The following DMBX1 variants were observed in gnomAD, a reference collection of about 807,000 sequenced individuals.
The protein encoded by DMBX1 is diencephalon/mesencephalon homeobox 1, also known as diencephalon/mesencephalon homeobox protein 1.
DMBX1 carries 7 observed loss-of-function variants against 30.4 expected under a neutral mutation model. The ratio of observed to expected loss-of-function variants is 0.23; its 90% CI spans 0.13 to 0.43. The LOEUF (loss-of-function observed/expected upper bound fraction) is 0.43. Ranked by LOEUF, DMBX1 falls within the 20% of genes least tolerant of loss-of-function variation. DMBX1 has a pLI of 1.00. For synonymous variants in DMBX1, 222 were observed against 214.2 expected (o/e 1.04, Z -0.32); for missense variants, 460 against 508.5 (o/e 0.90, Z 0.92).
Position 46,514,787 on chromosome 1 carries a change from A to G in DMBX1, c.*2293A>G, listed in dbSNP as rs1666460721. Among the ~76,000 whole-genome samples the G allele has an allele frequency of 6.6e-6, 1 of 152,138 alleles. No homozygotes were observed. Among genetic ancestry groups the G allele is most frequent in the African/African-American group, 2.4e-5 (1 of 41,428 alleles). ...AGAGGTTCTGTTGGTGTCCTGGTTGAATTGCTTTGCAGAGAAGTCAATGCC... is the reference window on the plus strand; with the variant it reads ...AGAGGTTCTGTTGGTGTCCTGGTTGGATTGCTTTGCAGAGAAGTCAATGCC... On this transcript the variant is annotated 3_prime_UTR_variant, in exon 6 of 6. Coordinates refer to ENST00000360032, the MANE Select transcript of DMBX1 (RefSeq NM_172225.2).
chr1:46,495,519 A>T (rs1187382617), intron 2 of DMBX1, among the ~76,000 whole-genome samples: 1 of 152,196 alleles, frequency 6.6e-6, no homozygotes, highest in African/African-American at 2.4e-5. Context: ...ATTAAATGAG[A>T]TGCTGCCAGT....
intron 2 of DMBX1, among the ~76,000 whole-genome samples, chr1:46,499,984 C>T (rs1341019388): frequency 6.6e-6 from 1 of 152,146 alleles, no homozygotes; most frequent in Non-Finnish European, 1.5e-5. Context: ...AGAGAGATGC[C>T]TTGTCAGAGG....
At chr1:46,501,460 A>C (rs1389916764) in intron 2 of DMBX1, among the ~76,000 whole-genome samples, 3 of 150,122 alleles carry the variant, frequency 2.0e-5, no homozygotes, top group South Asian at 2.1e-4. Flanking sequence ...TTTTGTATTT[A>C]TTAGTAGAGG....
In DMBX1 at chr1:46,491,647, A is replaced by G. The variant is rs994513902; in HGVS notation, c.-13+864A>G. On this transcript the variant is annotated intron_variant, in intron 2 of 5. Transcript: ENST00000360032. This position sits in a 1 kb window ranked among gnomAD's most constrained non-coding sequence, Gnocchi z 5.5. The stretch of plus-strand genomic sequence containing the variant: ...AGAGTCCTTTCCCCTCTCTAGTGCT[A>G]GGGATTCTGTGCGCTGCAGGCGGGT... 1.3e-5 allele frequency among the ~76,000 whole-genome samples: 2 copies of G among 152,142 alleles called. No individual in the cohort carries two copies. Among genetic ancestry groups the G allele is most frequent in the African/African-American group, 4.8e-5 (2 of 41,418 alleles).
At chr1:46,505,752 A>C (rs1666221424) in intron 2 of DMBX1, among the ~76,000 whole-genome samples, 2 of 151,694 alleles carry the variant, frequency 1.3e-5, no homozygotes, top group Admixed American at 6.6e-5. Flanking sequence ...AAGTATAATA[A>C]TAATAAAAAA....
chr1:46,501,922 C>T (rs1007932777), intron 2 of DMBX1, among the ~76,000 whole-genome samples: 2 of 152,160 alleles, frequency 1.3e-5, no homozygotes, highest in African/African-American at 4.8e-5. Flanking sequence ...ATGTCATATA[C>T]AGTATATAAC....
At position 46,510,455 on chromosome 1, in the gene DMBX1, C is replaced by T. The variant is rs374933472; in HGVS notation, c.155-21C>T. 48 of 1,610,698 alleles carry T rather than the reference C, an allele frequency of 3.0e-5. No homozygotes were observed. The highest frequency in any genetic ancestry group is 3.9e-5 in the Non-Finnish European group (46 of 1,178,638). ...TAAATGGGCCCCCTCTCCTTGCCCT[C>T]CAACGGCTGTACATTTCAAGACATC... On this transcript the variant is annotated intron_variant, in intron 3 of 5. Transcript: ENST00000360032. This position sits in a 1 kb window ranked among gnomAD's most constrained non-coding sequence, Gnocchi z 4.1.
Position 46,489,867 on chromosome 1 carries a change from G to A in DMBX1, c.-163G>A, listed in dbSNP as rs933385557. ...GGCAGCGGAGGCGGCGGCGCGGGCC[G>A]GGGTGACCAGGTACGAGCGGGCGGG... On this transcript the variant is annotated 5_prime_UTR_variant, in exon 1 of 6. Coordinates refer to ENST00000360032, the MANE Select transcript of DMBX1 (RefSeq NM_172225.2). Among the ~76,000 whole-genome samples the A allele has an allele frequency of 6.6e-6, 1 of 152,106 alleles. No individual in the cohort carries two copies. Among genetic ancestry groups the A allele is most frequent in the African/African-American group, 2.4e-5 (1 of 41,420 alleles).
At chr1:46,508,028 G>C (rs990440507) in intron 3 of DMBX1, among the ~76,000 whole-genome samples, 1 of 151,700 alleles carries the variant, frequency 6.6e-6, no homozygotes, top group African/African-American at 2.4e-5. Flanking sequence ...CTGTTGCCCT[G>C]CCCTGCCAGC....
chr1:46,491,498 G>C lies in DMBX1; in HGVS notation c.-13+715G>C, dbSNP rs1355742324. Reference sequence around the variant, plus strand: ...CCAGTTTGAGGGCGTTGGGGAAAGAGGAGGGCTTTATTGACTTGATGGACC... The same window carrying C: ...CCAGTTTGAGGGCGTTGGGGAAAGACGAGGGCTTTATTGACTTGATGGACC... On this transcript the variant is annotated intron_variant, in intron 2 of 5. Transcript: ENST00000360032. This position sits in a 1 kb window ranked among gnomAD's most constrained non-coding sequence, Gnocchi z 5.5. Among the ~76,000 whole-genome samples, 1 of 152,218 alleles carries C rather than the reference G, an allele frequency of 6.6e-6. No homozygotes were observed. The highest frequency in any genetic ancestry group is 1.5e-5 in the Non-Finnish European group (1 of 68,048).
Position 46,507,168 on chromosome 1 carries a change from A to G in DMBX1, c.154+4A>G. 1 of 1,613,996 alleles carries G rather than the reference A, an allele frequency of 6.2e-7. No homozygotes were observed. Among genetic ancestry groups the G allele is most frequent in the Admixed American group, 1.7e-5 (1 of 60,002 alleles). On this transcript the variant is annotated splice_donor_region_variant and intron_variant, in intron 3 of 5. Transcript: ENST00000360032. ...ACATTGGCTGAGCGCCTGGCTGGTAAGGGCCCTGGGGATGGGACCATGGGG... is the reference window on the plus strand; with the variant it reads ...ACATTGGCTGAGCGCCTGGCTGGTAGGGGCCCTGGGGATGGGACCATGGGG...
chr1:46,497,503 CAG>C (rs1666045610), intron 2 of DMBX1, among the ~76,000 whole-genome samples: 1 of 152,058 alleles, frequency 6.6e-6, no homozygotes, highest in Non-Finnish European at 1.5e-5. Flanking sequence ...TGAGAAGAAA[CAG>C]AGGGAAAATT....
chr1:46,510,713 C>G lies in DMBX1; in HGVS notation c.333+59C>G. The G allele has an allele frequency of 1.9e-6, 3 of 1,561,470 alleles. No individual in the cohort carries two copies. Among genetic ancestry groups the G allele is most frequent in the Non-Finnish European group, 2.6e-6 (3 of 1,151,422 alleles). On this transcript the variant is annotated intron_variant, in intron 4 of 5. Transcript: ENST00000360032. This position sits in a 1 kb window ranked among gnomAD's most constrained non-coding sequence, Gnocchi z 4.1. The stretch of plus-strand genomic sequence containing the variant: ...ACAAACACCAGCCCATCAGTCTGCC[C>G]GCTTGTCCAGGAGCCAGCATGTCAT...
At position 46,512,949 on chromosome 1, in the gene DMBX1, C is replaced by CT. The variant is rs1278425950; in HGVS notation, c.*456dup. 1 of 161,496 alleles carries CT rather than the reference C, an allele frequency of 6.2e-6. No homozygotes were observed. Among genetic ancestry groups the CT allele is most frequent in the East Asian group, 1.8e-4 (1 of 5,422 alleles). 10.0% of individuals were successfully genotyped at this position (161,496 alleles called of 1,614,324 possible). On this transcript the variant is annotated 3_prime_UTR_variant, in exon 6 of 6. Transcript: ENST00000360032. This position sits in a 1 kb window ranked among gnomAD's most constrained non-coding sequence, Gnocchi z 4.8. ...ATCTCTTCTTCCCTGCCACCCCTCCCTGCAGCCTCCGCGGCTCACTCCAGC... is the reference window on the plus strand; with the variant it reads ...ATCTCTTCTTCCCTGCCACCCCTCCCTTGCAGCCTCCGCGGCTCACTCCAGC...
chr1:46,510,898 T>C lies in DMBX1; in HGVS notation c.334-37T>C. On this transcript the variant is annotated intron_variant, in intron 4 of 5. Coordinates refer to ENST00000360032, the MANE Select transcript of DMBX1 (RefSeq NM_172225.2). The surrounding 1 kb of genome is among the most constrained non-coding windows in gnomAD (Gnocchi z 4.1). ...CTGCTCCACACCAACCCCACTTCTTTCTTGCCCACCTCGGACTGCTCCTTT... is the reference window on the plus strand; with the variant it reads ...CTGCTCCACACCAACCCCACTTCTTCCTTGCCCACCTCGGACTGCTCCTTT... 6.5e-7 allele frequency: 1 copy of C among 1,538,876 alleles called. No homozygotes were observed. The highest frequency in any genetic ancestry group is 8.8e-7 in the Non-Finnish European group (1 of 1,142,670).
chr1:46,490,008 G>T (rs1321205549), intron 1 of DMBX1, among the ~76,000 whole-genome samples, 131 bp downstream of exon 1: 1 of 152,184 alleles, frequency 6.6e-6, no homozygotes, highest in Non-Finnish European at 1.5e-5. Context: ...CCCACTGGGC[G>T]GATCAGAAAG....
intron 3 of DMBX1, among the ~76,000 whole-genome samples, chr1:46,507,402 C>T (rs1399226401): frequency 6.6e-6 from 1 of 152,212 alleles, no homozygotes; most frequent in Non-Finnish European, 1.5e-5. Flanking sequence ...TTCAAATTCT[C>T]AAAACAAGCC....
At chr1:46,497,890 C>T (rs1666053316) in intron 2 of DMBX1, among the ~76,000 whole-genome samples, 1 of 152,242 alleles carries the variant, frequency 6.6e-6, no homozygotes, top group Non-Finnish European at 1.5e-5. Context: ...TGAAACGCGG[C>T]CGCGCCGTGA....
At position 46,510,466 on chromosome 1, in the gene DMBX1, A is replaced by T. The variant is rs1197417226; in HGVS notation, c.155-10A>T. On this transcript the variant is annotated splice_polypyrimidine_tract_variant and intron_variant, in intron 3 of 5. Coordinates refer to ENST00000360032, the MANE Select transcript of DMBX1 (RefSeq NM_172225.2). This position sits in a 1 kb window ranked among gnomAD's most constrained non-coding sequence, Gnocchi z 4.1. ...CCTCTCCTTGCCCTCCAACGGCTGT[A>T]CATTTCAAGACATCATCTTGGAGGC... 3.1e-6 allele frequency: 5 copies of T among 1,612,970 alleles called. No homozygotes were observed. The highest frequency in any genetic ancestry group is 4.2e-6 in the Non-Finnish European group (5 of 1,179,678).
Sources: allele counts gnomAD v4.1 joint callset (sites outside exome capture counted in the v4.1 genomes callset), GRCh38; gene constraint gnomAD v4.1.1; non-coding constraint Gnocchi (gnomAD v3.1); transcripts MANE v1.5; gene names NCBI Gene and HGNC (gene_info 2026-07-23, HGNC 2026-07-21).